The following UPF3B variants were observed in gnomAD, a reference collection of about 807,000 sequenced individuals.
The protein encoded by UPF3B is regulator of nonsense transcripts 3B.
A neutral mutation model predicts 40.3 loss-of-function variants in UPF3B; 7 were observed. The observed-to-expected ratio is 0.17, with a 90% CI of 0.10 to 0.33. The LOEUF (loss-of-function observed/expected upper bound fraction) is 0.33. Ranked by LOEUF, UPF3B falls within the 10% of genes least tolerant of loss-of-function variation. UPF3B has a pLI of 1.00. For missense variants in UPF3B, 229 were observed against 358.9 expected (o/e 0.64, Z 2.93); for synonymous variants, 117 against 117.3 (o/e 1.00, Z 0.01).
chrX:119,850,119 GACCCC>G (rs1041855374), intron 3 of UPF3B, among the ~76,000 whole-genome samples: 1 of 109,841 alleles, frequency 9.1e-6, no homozygotes, highest in African/African-American at 3.3e-5. Context: ...AACGTAGTGA[GACCCC>G]ATCTCTATAA....
At chrX:119,832,029 G>A (rs754840953), downstream of UPF3B, among the ~76,000 whole-genome samples, 15 of 111,569 alleles carry the variant, frequency 1.3e-4, no homozygotes, top group South Asian at 3.7e-4. Flanking sequence ...GCACAATTGC[G>A]GCTCACTGCA....
At chrX:119,820,119 A>G (rs746197433) in intron 4 of UPF3B, among the ~76,000 whole-genome samples, 27 of 111,312 alleles carry the variant, frequency 2.4e-4, no homozygotes, top group Non-Finnish European at 4.5e-4. Flanking sequence ...TGCTGGGACT[A>G]CAGGCATGTG....
At chrX:119,822,894 C>G in intron 4 of UPF3B, 1 of 778,277 alleles carries the variant, frequency 1.3e-6, no homozygotes. Flanking sequence ...AGGCATGAGC[C>G]ACCACGCCCG....
downstream of UPF3B, among the ~76,000 whole-genome samples, chrX:119,831,319 CTTTTT>C (rs1171859009): frequency 6.6e-5 from 7 of 106,599 alleles, no homozygotes; most frequent in Non-Finnish European, 1.3e-4. Flanking sequence ...TCTCCTCCTC[CTTTTT>C]TTGTTTTTTT....
chrX:119,841,470 C>T (rs2056160502), intron 6 of UPF3B, among the ~76,000 whole-genome samples: 1 of 111,960 alleles, frequency 8.9e-6, no homozygotes, highest in African/African-American at 3.2e-5. Context: ...TGCTGCCTTA[C>T]TATCTCTCCA....
rs775715153 is a variant in UPF3B, at chrX:119,838,412, A to G, written c.962T>C (p.Leu321Ser). 29 of 1,210,537 alleles carry G rather than the reference A, an allele frequency of 2.4e-5. No homozygotes were observed. The Admixed American group carries it at 4.8e-4, about 20-fold the overall frequency. ...AAGTTCGCTATCAGAACGCTTGGGC[A>G]ATGTACAACTTTGCCCACTGGCTCT... is the stretch of plus-strand genomic sequence containing the variant. ...DERASGQSCTLPKRSDSELKD... is the reference protein window; with the variant it reads ...DERASGQSCTSPKRSDSELKD... Residue 321 changes from leucine (L) to serine (S), a missense_variant, in exon 9 of 11, where the codon TTG (leucine) becomes TCG (serine). Physicochemically the swap from Leu to Ser is moderately radical, Grantham distance 145 (BLOSUM62 -2). This residue lies in a region of UPF3B where 119 missense variants were observed against 153.8 expected (regional missense o/e 0.77). Coordinates refer to ENST00000276201, the MANE Select transcript of UPF3B (RefSeq NM_080632.3).
chrX:119,811,666 C>T (rs1221765914), intron 5 of UPF3B, among the ~76,000 whole-genome samples: 3 of 106,253 alleles, frequency 2.8e-5, no homozygotes, highest in African/African-American at 1.1e-4. Flanking sequence ...AAAAAAATCC[C>T]TCAGGCTGGA....
At chrX:119,852,676 G>C (rs1019239725) in intron 1 of UPF3B, 97 bp downstream of exon 1, 3 of 1,142,737 alleles carry the variant, frequency 2.6e-6, no homozygotes, top group Non-Finnish European at 3.6e-6. Flanking sequence ...GATAGAAGGA[G>C]AACCTGAGAA....
At chrX:119,850,060 TGG>T (rs200538827) in intron 3 of UPF3B, among the ~76,000 whole-genome samples, 1 of 56,863 alleles carries the variant, frequency 1.8e-5, no homozygotes, top group Non-Finnish European at 3.4e-5. Context: ...GAGGCTGAGG[TGG>T]GGGGGGGGAA....
chrX:119,805,720 A>G (rs968085807), intron 6 of UPF3B, among the ~76,000 whole-genome samples: 2 of 109,717 alleles, frequency 1.8e-5, no homozygotes, highest in Non-Finnish European at 3.8e-5. Context: ...CAGCCAAAAA[A>G]CACATGAAAA....
intron 6 of UPF3B, among the ~76,000 whole-genome samples, chrX:119,806,215 C>CAGT (rs1204974913): frequency 6.3e-4 from 59 of 93,400 alleles, no homozygotes; most frequent in African/African-American, 2.1e-3. Context: ...TCATCATTCT[C>CAGT]AGTAAACTAT....
chrX:119,839,201 C>T (rs2056134935), intron 8 of UPF3B, among the ~76,000 whole-genome samples: 1 of 111,950 alleles, frequency 8.9e-6, no homozygotes, highest in Admixed American at 9.5e-5. Context: ...AAGTGATAGG[C>T]AGATCGTTTC....
At chrX:119,838,597 C>T in intron 8 of UPF3B, 70 bp from the exon 9 acceptor site, 3 of 1,081,804 alleles carry the variant, frequency 2.8e-6, no homozygotes, top group Non-Finnish European at 3.8e-6. Flanking sequence ...ACCCAGTATA[C>T]CAAATATTTA....
chrX:119,809,893 G>A (rs1466775799), intron 5 of UPF3B, among the ~76,000 whole-genome samples: 1 of 111,684 alleles, frequency 9.0e-6, no homozygotes, highest in Non-Finnish European at 1.9e-5. Flanking sequence ...CAAATTTAGG[G>A]TGAGGTTAGG....
At chrX:119,810,416 A>G (rs189920031) in intron 5 of UPF3B, among the ~76,000 whole-genome samples, 43 of 112,245 alleles carry the variant, frequency 3.8e-4, no homozygotes, top group African/African-American at 1.3e-3. Context: ...CTTTCCAACT[A>G]TGGAGACAAA....
intron 5 of UPF3B, chrX:119,815,184 G>GGAGTAA (rs2055854616): frequency 1.3e-6 from 1 of 758,445 alleles, no homozygotes; most frequent in Admixed American, 6.8e-5. Flanking sequence ...TCTTTTGTAT[G>GGAGTAA]GCTAATACAA....
chrX:119,827,554 G>A (rs1403070511), intron 3 of UPF3B, among the ~76,000 whole-genome samples: 2 of 109,491 alleles, frequency 1.8e-5, no homozygotes, highest in Non-Finnish European at 3.8e-5. Context: ...GCACCACCAC[G>A]CCCAGCTAAT....
At chrX:119,831,254 C>T (rs1288385222), downstream of UPF3B, among the ~76,000 whole-genome samples, 2 of 111,024 alleles carry the variant, frequency 1.8e-5, no homozygotes, top group African/African-American at 6.5e-5. Context: ...ACCATGTGCC[C>T]TTTGGCTGCC....
At position 119,839,615 on chromosome X, in the gene UPF3B, G is replaced by T. The variant is rs923959825; in HGVS notation, c.846+1031C>A. ...CACACAAGGTTCATCTCAGGGTGAA[G>T]GCATCATGTAAATTACTAAGCAAAA... On this transcript the variant is annotated intron_variant, in intron 8 of 10. Transcript: ENST00000276201. Among the ~76,000 whole-genome samples, 8 of 111,953 alleles carry T rather than the reference G, an allele frequency of 7.1e-5. No homozygotes were observed. In the Admixed American group the frequency reaches 7.6e-4, roughly 11 times the overall value.
Sources: gnomAD v4.1 joint callset for allele counts (sites outside exome capture counted in the v4.1 genomes callset) on GRCh38, gnomAD v4.1.1 for gene constraint, gnomAD v4.1.1 regional missense constraint, MANE v1.5 for transcripts, NCBI Gene and HGNC (gene_info 2026-07-23, HGNC 2026-07-21) for gene names.